The following UNC45A variants were observed in gnomAD, a reference collection of about 807,000 sequenced individuals.
The protein encoded by UNC45A is protein unc-45 homolog A.
In UNC45A, 78 loss-of-function variants were observed where a neutral mutation model predicts 103.2. That is an observed-to-expected ratio of 0.76 (90% CI 0.63 to 0.91). UNC45A has a LOEUF of 0.91. Ranked by LOEUF, UNC45A falls within the 40% of genes least tolerant of loss-of-function variation. The probability of loss-of-function intolerance (pLI) is 0.00; values close to 1 mark genes in which losing one functional copy is unlikely to be tolerated. For synonymous variants in UNC45A, 495 were observed against 504.6 expected, an observed-to-expected ratio of 0.98 and a Z score of 0.25; for missense variants, 1,193 against 1,224.8, an observed-to-expected ratio of 0.97 and a Z score of 0.39.
chr15:90,940,769 C>T (rs1596218505), intron 6 of UNC45A: 3 of 190,174 alleles, frequency 1.6e-5, no homozygotes, highest in South Asian at 2.1e-4. Flanking sequence ...AAAAATTAGC[C>T]GGGCATGGTA....
chr15:90,932,415 G>A (rs2035834200), upstream of UNC45A: 3 of 1,329,800 alleles, frequency 2.3e-6, no homozygotes, highest in Non-Finnish European at 2.9e-6. Context: ...GCGCTCCGCG[G>A]CCGACGCGCC....
chr15:90,941,273 G>A (rs2036277803), intron 6 of UNC45A, among the ~76,000 whole-genome samples: 1 of 152,152 alleles, frequency 6.6e-6, no homozygotes, highest in South Asian at 2.1e-4. Context: ...CAGCATGGAT[G>A]GTGGTGGCCC....
At chr15:90,931,794 G>C (rs141515875), upstream of UNC45A, 36 of 1,614,162 alleles carry the variant, frequency 2.2e-5, no homozygotes, top group African/African-American at 4.4e-4. Flanking sequence ...TGGGGCGCTT[G>C]CTCCACCTGC....
At chr15:90,951,565 C>T (rs2036915299) in intron 17 of UNC45A, among the ~76,000 whole-genome samples, 1 of 151,622 alleles carries the variant, frequency 6.6e-6, no homozygotes, top group South Asian at 2.1e-4. Flanking sequence ...AAGTTCAGGC[C>T]AGCCTGAGCA....
At position 90,948,188 on chromosome 15, in the gene UNC45A, G is replaced by A. The variant is rs756607925; in HGVS notation, c.1642G>A (p.Val548Met). 2.5e-6 allele frequency: 4 copies of A among 1,614,200 alleles called. No homozygotes were observed. Among genetic ancestry groups the A allele is most frequent in the Non-Finnish European group, 3.4e-6 (4 of 1,180,046 alleles). The change falls in exon 12 of 20, where the codon GTG becomes ATG. Residue 548 changes from valine to methionine, a missense_variant. Val to Met is a conservative substitution (Grantham distance 21). Coordinates refer to ENST00000418476, the MANE Select transcript of UNC45A (RefSeq NM_018671.5). Reference sequence around the variant, plus strand: ...CGACGCAGGCACTCGGCGCTGGGCAGTGGAGGGCCTGGCTTACCTGACCTT... The same window carrying A: ...CGACGCAGGCACTCGGCGCTGGGCAATGGAGGGCCTGGCTTACCTGACCTT... ...QIDAGTRRWA[V>M]EGLAYLTFDA...
Position 90,936,388 on chromosome 15 carries a change from T to C in UNC45A, c.354T>C (p.Cys118=), listed in dbSNP as rs773187232. 1.9e-6 allele frequency: 3 copies of C among 1,614,204 alleles called. No homozygotes were observed. The highest frequency in any genetic ancestry group is 2.5e-6 in the Non-Finnish European group (3 of 1,180,040). Residue 118 remains cysteine (C), a synonymous_variant, in exon 4 of 20, where the codon TGT becomes TGC. Coordinates refer to ENST00000418476, the MANE Select transcript of UNC45A (RefSeq NM_018671.5). The part of the protein sequence containing the change: ...LDQAVLDLQR[C]VSLEPKNKVF... ...AGGCTGTCCTTGACCTGCAGAGATG[T>C]GTGAGCTTGGAGCCCAAGAACAAAG...
intron 17 of UNC45A, among the ~76,000 whole-genome samples, chr15:90,951,760 GA>G (rs1466875932): frequency 6.6e-6 from 1 of 151,726 alleles, no homozygotes; most frequent in Non-Finnish European, 1.5e-5. Flanking sequence ...TTAACAGTTG[GA>G]AAAAAAATTT....
At chr15:90,949,870 G>T in intron 15 of UNC45A, 150 bp downstream of exon 15, 1 of 874,872 alleles carries the variant, frequency 1.1e-6, no homozygotes, top group South Asian at 1.6e-5. Context: ...AGAGTGACGC[G>T]GAAGCAGGCA....
rs1293960399 is a variant in UNC45A at position 90,946,793 on chromosome 15, C to T, written c.1379C>T (p.Ala460Val). Residue 460 changes from alanine (A) to valine (V), a missense_variant, in exon 10 of 20, where the codon GCT becomes GTT. Physicochemically the swap from Ala to Val is moderately conservative, Grantham distance 64 (BLOSUM62 0). Coordinates refer to ENST00000418476, the MANE Select transcript of UNC45A (RefSeq NM_018671.5). ...GAGGAGCAGCTGGTGGCCGTGGAGG[C>T]TCTGATCCATGCAGCCGGCAAGGCT... Reference protein sequence around the residue: ...QEEEQLVAVEALIHAAGKAKR... With the variant: ...QEEEQLVAVEVLIHAAGKAKR... The T allele has an allele frequency of 6.2e-7, 1 of 1,614,086 alleles. No homozygotes were observed. Among genetic ancestry groups the T allele is most frequent in the Non-Finnish European group, 8.5e-7 (1 of 1,180,042 alleles).
intron 1 of UNC45A, 78 bp from the exon 2 acceptor site, chr15:90,935,466 C>G (rs900173300): frequency 2.4e-5 from 37 of 1,571,584 alleles, no homozygotes; most frequent in Non-Finnish European, 3.0e-5. Flanking sequence ...TCGCCCCGAT[C>G]CCTCCTCTCC....
At chr15:90,934,372 C>G (rs1312632615), upstream of UNC45A, 6 of 399,038 alleles carry the variant, frequency 1.5e-5, no homozygotes, top group Non-Finnish European at 2.7e-5. Context: ...TGCCAGACCA[C>G]CCGGGATGTC....
chr15:90,941,958 CAAAA>C (rs369044240), intron 6 of UNC45A, among the ~76,000 whole-genome samples: 7,524 of 68,718 alleles, frequency 0.11, 274 homozygotes, highest in South Asian at 0.27. Flanking sequence ...GACTCCGTCT[CAAAA>C]AAAAAAAAAA....
At chr15:90,945,992 G>A (rs111925238) in intron 9 of UNC45A, among the ~76,000 whole-genome samples, 25,098 of 150,938 alleles carry the variant, frequency 0.17, 2,489 homozygotes, top group East Asian at 0.39. Context: ...GCTTACACCT[G>A]TAATCCCAGC....
intron 3 of UNC45A, 150 bp downstream of exon 3, chr15:90,936,132 T>C: frequency 1.3e-6 from 2 of 1,503,858 alleles, no homozygotes; most frequent in Non-Finnish European, 1.8e-6. Flanking sequence ...TTTCCTTTTC[T>C]GCAGCTACCC....
At chr15:90,937,768 G>A (rs751524381) in intron 4 of UNC45A, among the ~76,000 whole-genome samples, 4 of 151,888 alleles carry the variant, frequency 2.6e-5, no homozygotes, top group South Asian at 2.1e-4. Flanking sequence ...TTACATGTGT[G>A]AGCCACTGCA....
chr15:90,939,901 C>A, intron 5 of UNC45A, 78 bp downstream of exon 5: 1 of 1,354,124 alleles, frequency 7.4e-7, no homozygotes, highest in Non-Finnish European at 1.0e-6. Flanking sequence ...CCACTGCTGC[C>A]TTGCTCTGCC....
intron 15 of UNC45A, chr15:90,949,946 T>A: frequency 1.5e-6 from 1 of 666,610 alleles, no homozygotes; most frequent in Non-Finnish European, 2.6e-6. Flanking sequence ...TTTGTCTCAT[T>A]TACCCCCATG....
At position 90,947,570 on chromosome 15, in the gene UNC45A, C is replaced by T; in HGVS notation, c.1501-226C>T. On this transcript the variant is annotated intron_variant, in intron 10 of 19. Transcript: ENST00000418476. ...GGTGGGGCCCACGACTGTCCAGCGG[C>T]CAGCGCATCAGTGTCTGCAGATGCT... 5 of 570,998 alleles carry T rather than the reference C, an allele frequency of 8.8e-6. No individual in the cohort carries two copies. In the South Asian group the frequency reaches 1.0e-4, roughly 12 times the overall value. The allele number at this position is 570,998 out of a possible 1,614,324, so 35.4% of individuals were successfully genotyped here.
Position 90,950,249 on chromosome 15 carries a change from G to A in UNC45A, c.2169G>A (p.Met723Ile), listed in dbSNP as rs760496158. 12 of 1,551,750 alleles carry A rather than the reference G, an allele frequency of 7.7e-6. No individual in the cohort carries two copies. The highest frequency in any genetic ancestry group is 1.0e-5 in the Non-Finnish European group (12 of 1,147,006). The stretch of plus-strand genomic sequence containing the variant: ...TCACCATCACCTCCAACCCGGAGAT[G>A]ACCTTCCCTGGCGAGCGGGTACGTG... ...AKLTITSNPE[M>I]TFPGERIYEV... The change falls in exon 16 of 20, where the codon ATG (methionine) becomes ATA (isoleucine). Residue 723 changes from methionine (M) to isoleucine (I), a missense_variant. Met to Ile is a conservative substitution (Grantham distance 10). Transcript: ENST00000418476.
Sources: gnomAD v4.1 joint callset for allele counts (sites outside exome capture counted in the v4.1 genomes callset) on GRCh38, gnomAD v4.1.1 for gene constraint, MANE v1.5 for transcripts, NCBI Gene and HGNC (gene_info 2026-07-23, HGNC 2026-07-21) for gene names.